Variants in ABCC1 observed in about 807,000 individuals in gnomAD.
ABCC1 encodes ATP binding cassette subfamily C member 1 (ABCC1 blood group).
A neutral mutation model predicts 172.9 loss-of-function variants in ABCC1; 83 were observed. The ratio of observed to expected loss-of-function variants is 0.48; its 90% confidence interval spans 0.40 to 0.58. The LOEUF is 0.58. ABCC1 is among the 20% of genes least tolerant of loss of function. The probability of loss-of-function intolerance (pLI) is 0.00; values close to 1 mark genes in which losing one functional copy is unlikely to be tolerated. For synonymous variants in ABCC1, 937 were observed against 825.2 expected, an observed-to-expected ratio of 1.14 and a Z score of -2.32; for missense variants, 1,817 against 2,002.7, an observed-to-expected ratio of 0.91 and a Z score of 1.77.
chr16:16,135,983 T>C (rs1300859315), intron 28 of ABCC1, among the ~76,000 whole-genome samples: 4 of 151,632 alleles, frequency 2.6e-5, no homozygotes, highest in Non-Finnish European at 5.9e-5. Context: ...AGGAAATCTG[T>C]TGTATTCTGC....
chr16:15,976,274 G>GA (rs905387778), intron 1 of ABCC1, among the ~76,000 whole-genome samples: 6 of 152,078 alleles, frequency 3.9e-5, no homozygotes, highest in African/African-American at 1.4e-4. Flanking sequence ...TCTCAAAAAA[G>GA]AAAAAACTCA....
intron 19 of ABCC1, among the ~76,000 whole-genome samples, chr16:16,090,837 C>T (rs972234984): frequency 6.6e-6 from 1 of 152,124 alleles, no homozygotes; most frequent in African/African-American, 2.4e-5. Flanking sequence ...CTCAGCTGAC[C>T]TCAGGGCAGG....
At chr16:16,062,509 G>A (rs1324637864) in intron 12 of ABCC1, among the ~76,000 whole-genome samples, 3 of 152,242 alleles carry the variant, frequency 2.0e-5, no homozygotes, top group Non-Finnish European at 2.9e-5. Context: ...ACTGAGCCCG[G>A]CTACCGGCTT....
chr16:16,047,293 A>T (rs976560045), intron 9 of ABCC1, among the ~76,000 whole-genome samples: 5 of 151,866 alleles, frequency 3.3e-5, no homozygotes, highest in Non-Finnish European at 4.4e-5. Context: ...TTTGTTTTTT[A>T]TTTATTTTTA....
chr16:16,054,283 T>C (rs1263104726), intron 11 of ABCC1, among the ~76,000 whole-genome samples: 1 of 151,978 alleles, frequency 6.6e-6, no homozygotes, highest in Non-Finnish European at 1.5e-5. Flanking sequence ...CCATTATATA[T>C]GTTTTGTGTG....
intron 23 of ABCC1, among the ~76,000 whole-genome samples, chr16:16,116,049 C>T (rs1275528952): frequency 6.6e-6 from 1 of 151,608 alleles, no homozygotes; most frequent in Admixed American, 6.6e-5. Flanking sequence ...ACTACAGGCG[C>T]CCGCCACTAC....
intron 7 of ABCC1, among the ~76,000 whole-genome samples, chr16:16,043,224 T>TG (rs2049052275): frequency 9.4e-6 from 1 of 106,178 alleles, no homozygotes; most frequent in Non-Finnish European, 2.2e-5. Flanking sequence ...GCTGGACTGT[T>TG]TTTTTTTTTT....
chr16:16,013,270 G>GT (rs35420214), intron 3 of ABCC1, among the ~76,000 whole-genome samples: 85,922 of 145,754 alleles, frequency 0.59, 27,361 homozygotes, highest in East Asian at 0.7. Flanking sequence ...GCCAGCACAT[G>GT]TTTTTTTTTT....
At chr16:15,970,218 C>T (rs2046335315) in intron 1 of ABCC1, among the ~76,000 whole-genome samples, 3 of 152,190 alleles carry the variant, frequency 2.0e-5, no homozygotes, top group South Asian at 2.1e-4. Flanking sequence ...GGGTCCCAGG[C>T]CCCTCCCATC....
At chr16:15,999,809 C>CTCTCTCTCTCTT (rs374395529) in intron 1 of ABCC1, among the ~76,000 whole-genome samples, 1 of 8,360 alleles carries the variant, frequency 1.2e-4, no homozygotes, top group Non-Finnish European at 3.1e-4. Flanking sequence ...CTCTCTCTCT[C>CTCTCTCTCTCTT]CTCTCTCTCT....
intron 1 of ABCC1, among the ~76,000 whole-genome samples, chr16:15,968,613 G>C (rs1260041597): frequency 6.6e-6 from 1 of 152,102 alleles, no homozygotes; most frequent in Non-Finnish European, 1.5e-5. Flanking sequence ...ATGACCTCAA[G>C]TGATCCACCT....
At chr16:16,088,830 A>G (rs1220534468) in intron 18 of ABCC1, among the ~76,000 whole-genome samples, 3 of 152,002 alleles carry the variant, frequency 2.0e-5, no homozygotes, top group Admixed American at 1.3e-4. Context: ...CCTTCTGAGT[A>G]GCTCCTGGGA....
intron 22 of ABCC1, among the ~76,000 whole-genome samples, chr16:16,113,093 A>T (rs1273643538): frequency 6.6e-6 from 1 of 152,202 alleles, no homozygotes; most frequent in Non-Finnish European, 1.5e-5. Flanking sequence ...GAGAAGCACC[A>T]GTGTCTCAGG....
chr16:16,134,306 G>C, intron 27 of ABCC1, 44 bp from the exon 28 acceptor site: 1 of 1,609,964 alleles, frequency 6.2e-7, no homozygotes, highest in South Asian at 1.1e-5. Flanking sequence ...GGACAAGTCC[G>C]GATGCCAGCA....
At chr16:15,958,717 A>G (rs2046061135) in intron 1 of ABCC1, among the ~76,000 whole-genome samples, 1 of 152,200 alleles carries the variant, frequency 6.6e-6, no homozygotes, top group Non-Finnish European at 1.5e-5. Flanking sequence ...AAACTGGGAT[A>G]GGGCAGCATC....
chr16:15,982,388 G>A (rs975142262), intron 1 of ABCC1, among the ~76,000 whole-genome samples: 4 of 152,024 alleles, frequency 2.6e-5, no homozygotes, highest in Admixed American at 2.6e-4. Flanking sequence ...CATGGTAGAA[G>A]GGGAAGCAAA....
intron 5 of ABCC1, among the ~76,000 whole-genome samples, chr16:16,032,512 A>C (rs1265653910): frequency 1.3e-5 from 2 of 152,226 alleles, no homozygotes; most frequent in African/African-American, 4.8e-5. Flanking sequence ...GGTTGTGCTC[A>C]GGAAATACTT....
intron 15 of ABCC1, among the ~76,000 whole-genome samples, chr16:16,078,635 T>C (rs975733638): frequency 1.3e-5 from 2 of 152,114 alleles, no homozygotes; most frequent in Non-Finnish European, 2.9e-5. Context: ...GCTCTCCACA[T>C]GTTTCTGTGT....
chr16:16,036,168 C>G (rs758498148), intron 6 of ABCC1, among the ~76,000 whole-genome samples: 48 of 151,706 alleles, frequency 3.2e-4, no homozygotes, highest in Non-Finnish European at 3.2e-4. Context: ...TAAAAAAGAG[C>G]TATCCTGATA....
Sources: allele counts gnomAD v4.1 joint callset (sites outside exome capture counted in the v4.1 genomes callset), GRCh38; gene constraint gnomAD v4.1.1; transcripts MANE v1.5; gene names NCBI Gene and HGNC (gene_info 2026-07-23, HGNC 2026-07-21).